Variants in MAF observed in about 807,000 individuals in gnomAD.
The protein encoded by MAF is transcription factor Maf.
A neutral mutation model predicts 22.0 loss-of-function variants in MAF; 10 were observed. That is an observed-to-expected ratio of 0.45 (90% CI 0.28 to 0.77). MAF has a LOEUF of 0.77. MAF is among the 30% of genes least tolerant of loss of function. MAF has a pLI of 0.12. For synonymous variants in MAF, 337 were observed against 255.8 expected, an observed-to-expected ratio of 1.32 and a Z score of -3.03; for missense variants, 544 against 548.4, an observed-to-expected ratio of 0.99 and a Z score of 0.08.
chr16:79,456,225 T>C, the MAF span, among the ~76,000 whole-genome samples: 1 of 151,958 alleles, frequency 6.6e-6, no homozygotes, highest in Non-Finnish European at 1.5e-5. Flanking sequence ...CTGGAAAGCA[T>C]CCTGTGCAGA....
At chr16:79,339,641 A>G in the MAF span, among the ~76,000 whole-genome samples, 1 of 152,216 alleles carries the variant, frequency 6.6e-6, no homozygotes, top group Non-Finnish European at 1.5e-5. Context: ...TCAGTCATAT[A>G]GTGTGTAAAA....
At chr16:79,506,398 A>C in the MAF span, among the ~76,000 whole-genome samples, 28 of 152,204 alleles carry the variant, frequency 1.8e-4, no homozygotes, top group African/African-American at 6.7e-4. Context: ...TCAACCTCAG[A>C]GTGTGTGCCC....
At chr16:79,234,564 C>T in the MAF span, among the ~76,000 whole-genome samples, 76 of 152,136 alleles carry the variant, frequency 5.0e-4, no homozygotes, top group African/African-American at 1.8e-3. Context: ...TCTATAAAAG[C>T]AACCCATTTT....
the MAF span, among the ~76,000 whole-genome samples, chr16:79,213,418 T>G: frequency 6.6e-6 from 1 of 152,250 alleles, no homozygotes; most frequent in Admixed American, 6.5e-5. Context: ...AATCAGATAA[T>G]GTCACTTTTC....
chr16:79,386,353 G>C, the MAF span, among the ~76,000 whole-genome samples: 1 of 152,186 alleles, frequency 6.6e-6, no homozygotes, highest in African/African-American at 2.4e-5. Context: ...TCAGGCATTA[G>C]ATTCTCATAA....
chr16:79,226,948 T>C, the MAF span, among the ~76,000 whole-genome samples: 3 of 152,170 alleles, frequency 2.0e-5, no homozygotes, highest in East Asian at 3.9e-4. Context: ...ATGGAATGGC[T>C]TGTAAGTTTC....
At chr16:79,273,160 C>T in the MAF span, among the ~76,000 whole-genome samples, 11 of 152,132 alleles carry the variant, frequency 7.2e-5, no homozygotes, top group East Asian at 1.9e-4. Context: ...GAATCCCCCA[C>T]GACTGTCTGC....
the MAF span, among the ~76,000 whole-genome samples, chr16:79,268,068 T>C: frequency 6.6e-6 from 1 of 152,100 alleles, no homozygotes; most frequent in East Asian, 1.9e-4. Flanking sequence ...GAACTCTCAC[T>C]GAACATCTTT....
At chr16:79,555,166 A>G in the MAF span, among the ~76,000 whole-genome samples, 1 of 152,156 alleles carries the variant, frequency 6.6e-6, no homozygotes, top group African/African-American at 2.4e-5. Flanking sequence ...CCAGCTTGGT[A>G]CTGCATCACT....
chr16:79,250,694 G>C, the MAF span, among the ~76,000 whole-genome samples: 13 of 152,258 alleles, frequency 8.5e-5, no homozygotes, highest in South Asian at 1.5e-3. Context: ...GAGAATCTGG[G>C]ATTCTATCCA....
At chr16:79,273,847 G>C in the MAF span, among the ~76,000 whole-genome samples, 3 of 151,958 alleles carry the variant, frequency 2.0e-5, no homozygotes, top group Admixed American at 2.0e-4. Context: ...ATATTCACAG[G>C]TTCTAGGGAT....
chr16:79,383,137 A>G, the MAF span, among the ~76,000 whole-genome samples: 1 of 152,192 alleles, frequency 6.6e-6, no homozygotes, highest in Admixed American at 6.5e-5. Context: ...ACCATTGGAG[A>G]TATTGACATT....
chr16:79,447,832 CGTT>C, the MAF span, among the ~76,000 whole-genome samples: 6 of 128,276 alleles, frequency 4.7e-5, no homozygotes, highest in African/African-American at 1.8e-4. Context: ...AGGTGGAGGA[CGTT>C]GTTGTTAGCT....
the MAF span, among the ~76,000 whole-genome samples, chr16:79,520,620 A>T: frequency 6.6e-6 from 1 of 152,180 alleles, no homozygotes; most frequent in African/African-American, 2.4e-5. Flanking sequence ...ACTTGAAAGC[A>T]AATGCTGTTC....
the MAF span, among the ~76,000 whole-genome samples, chr16:79,415,422 G>C: frequency 6.6e-5 from 10 of 150,894 alleles, no homozygotes; most frequent in Admixed American, 5.9e-4. Flanking sequence ...AGGAGGGAAG[G>C]AAAATTGTTG....
chr16:79,425,821 G>C, the MAF span, among the ~76,000 whole-genome samples: 129 of 152,272 alleles, frequency 8.5e-4, no homozygotes, highest in Middle Eastern at 3.4e-3. Context: ...ATTGCACACA[G>C]ACTTTGTGCA....
the MAF span, among the ~76,000 whole-genome samples, chr16:79,485,113 A>G: frequency 2.6e-5 from 4 of 152,352 alleles, no homozygotes; most frequent in African/African-American, 4.8e-5. Flanking sequence ...GAGACGTGGT[A>G]TAGATACCAG....
At chr16:79,283,483 G>C in the MAF span, among the ~76,000 whole-genome samples, 2 of 152,154 alleles carry the variant, frequency 1.3e-5, no homozygotes, top group East Asian at 3.9e-4. Context: ...TTAATTTGTA[G>C]TCCCAAATTC....
At chr16:79,575,307 C>T in the MAF span, among the ~76,000 whole-genome samples, 3 of 152,170 alleles carry the variant, frequency 2.0e-5, no homozygotes, top group African/African-American at 7.2e-5. Context: ...ACCATGAAGG[C>T]CCACCCTTGG....
Sources: allele counts gnomAD v4.1 joint callset (sites outside exome capture counted in the v4.1 genomes callset), GRCh38; gene constraint gnomAD v4.1.1; transcripts MANE v1.5; gene names NCBI Gene and HGNC (gene_info 2026-07-23, HGNC 2026-07-21).